KRT8: variants seen among roughly 807,000 people sequenced by gnomAD.
KRT8 encodes the protein keratin, type II cytoskeletal 8.
Under a neutral mutation model 43.0 loss-of-function variants are expected in KRT8, and 24 were observed. The observed-to-expected ratio is 0.56, with a 90% CI of 0.40 to 0.78. The LOEUF (loss-of-function observed/expected upper bound fraction) is 0.78. Ranked by LOEUF, KRT8 falls within the 30% of genes least tolerant of loss-of-function variation. The pLI is 0.00. For missense variants in KRT8, 492 were observed against 638.4 expected, an observed-to-expected ratio of 0.77 and a Z score of 2.47; for synonymous variants, 214 against 261.2, an observed-to-expected ratio of 0.82 and a Z score of 1.74.
intron 4 of KRT8, among the ~76,000 whole-genome samples, 168 bp downstream of exon 4, chr12:52,900,420 T>C (rs1216851911): frequency 2.6e-5 from 4 of 152,156 alleles, no homozygotes; most frequent in African/African-American, 7.2e-5. Context: ...ACAGAACATA[T>C]AGACCCAATA....
At chr12:52,949,778 C>T (rs1025357857) in exon 1 of KRT8, 19 of 716,500 alleles carry the variant, frequency 2.7e-5, no homozygotes, top group Admixed American at 1.6e-4. Flanking sequence ...CATGGGAGGG[C>T]TCTTTCCCAG....
chr12:52,930,043 C>T lies in KRT8; in HGVS notation c.-47+19413G>A, dbSNP rs947427484. ...AAGAAGCCTGGAGTCAGCAAAAGTG[C>T]TGAGGATGGCACTAGAACCTCTCAC... On this transcript the variant is annotated intron_variant, in intron 2 of 6. Transcript: ENST00000546826. 3.9e-5 allele frequency among the ~76,000 whole-genome samples: 6 copies of T among 152,180 alleles called. No individual in the cohort carries two copies. In the South Asian group the frequency reaches 8.3e-4, roughly 21 times the overall value.
intron 2 of KRT8, 104 bp from the exon 3 acceptor site, chr12:52,901,323 C>T (rs1488415861): frequency 4.6e-5 from 39 of 851,226 alleles, no homozygotes; most frequent in Non-Finnish European, 8.0e-5. Flanking sequence ...ATTCAGTTCA[C>T]AGAGATGCAG....
Position 52,898,883 on chromosome 12 carries a change from G to GC in KRT8, c.997dup (p.Ala333GlyfsTer15). The GC allele has an allele frequency of 6.2e-7, 1 of 1,613,572 alleles. No individual in the cohort carries two copies. The highest frequency in any genetic ancestry group is 8.5e-7 in the Non-Finnish European group (1 of 1,180,026). On this transcript the variant is annotated frameshift_variant, in exon 6 of 8. Coordinates refer to ENST00000692008, the Ensembl canonical transcript of KRT8. LOFTEE classifies it high-confidence loss of function. ...ACGCTGCTCGGCATCTGCAATGGCG[G>GC]CCTCCAGGGAAGCCCTCTGTGGGGT...
intron 2 of KRT8, among the ~76,000 whole-genome samples, chr12:52,918,203 A>AAGAAGAAGGAGAAGG (rs1565725692): frequency 8.6e-6 from 1 of 116,046 alleles, no homozygotes; most frequent in African/African-American, 3.7e-5. Flanking sequence ...GAAGAAGAAG[A>AAGAAGAAGGAGAAGG]ACAAGAAGAA....
Position 52,900,585 on chromosome 12 carries a change from T to C in KRT8, c.690+3A>G. The C allele has an allele frequency of 6.3e-7, 1 of 1,597,546 alleles. No homozygotes were observed. Among genetic ancestry groups the C allele is most frequent in the Non-Finnish European group, 8.6e-7 (1 of 1,166,394 alleles). On this transcript the variant is annotated splice_donor_region_variant and intron_variant, in intron 4 of 7. Transcript: ENST00000692008. Reference sequence around the variant, plus strand: ...CCTCACTCTCCTGCGACCAGGAACATACCTCTTCATATAGCTGCCTGAGGA... The same window carrying C: ...CCTCACTCTCCTGCGACCAGGAACACACCTCTTCATATAGCTGCCTGAGGA...
At chr12:52,928,398 C>T (rs1472290416) in intron 2 of KRT8, among the ~76,000 whole-genome samples, 2 of 152,142 alleles carry the variant, frequency 1.3e-5, no homozygotes, top group African/African-American at 4.8e-5. Context: ...CCATTCCCAC[C>T]CTTACCTCCC....
At chr12:52,906,926 T>C, upstream of KRT8, 1 of 364,070 alleles carries the variant, frequency 2.7e-6, no homozygotes, top group South Asian at 2.0e-5. Context: ...GCCCCCTCCT[T>C]GGAGGACAGA....
chr12:52,943,988 T>C (rs1802572646), intron 2 of KRT8, among the ~76,000 whole-genome samples: 1 of 151,946 alleles, frequency 6.6e-6, no homozygotes, highest in South Asian at 2.1e-4. Flanking sequence ...AAAATAGTGG[T>C]GAGCAGGGAG....
At chr12:52,943,409 C>T (rs1942296769) in intron 2 of KRT8, among the ~76,000 whole-genome samples, 1 of 152,206 alleles carries the variant, frequency 6.6e-6, no homozygotes, top group Non-Finnish European at 1.5e-5. Context: ...TTCATGACGT[C>T]CTCTCTCCTG....
In KRT8 at chr12:52,899,851, C is replaced by T. The variant is rs201875017; in HGVS notation, c.905G>A (p.Arg302His). 167 of 1,612,082 alleles carry T rather than the reference C, an allele frequency of 1.0e-4. No homozygotes were observed. Among genetic ancestry groups the T allele is most frequent in the Non-Finnish European group, 1.2e-4 (146 of 1,179,946 alleles). ...CATCTCAGAGATCTCAGTCTTTGTGCGCCGCAGGTCATCCCCGTGCTTCCC... is the reference window on the plus strand; with the variant it reads ...CATCTCAGAGATCTCAGTCTTTGTGTGCCGCAGGTCATCCCCGTGCTTCCC... Residue 302 changes from arginine to histidine, a missense_variant, in exon 5 of 8, where the codon CGC becomes CAC. Coordinates refer to ENST00000692008, the Ensembl canonical transcript of KRT8.
At chr12:52,936,293 T>C (rs1333625402) in intron 2 of KRT8, among the ~76,000 whole-genome samples, 3 of 151,994 alleles carry the variant, frequency 2.0e-5, no homozygotes, top group Non-Finnish European at 2.9e-5. Context: ...CAGAAAATCT[T>C]TGTGACCTTG....
intron 2 of KRT8, chr12:52,948,888 C>A: frequency 2.3e-6 from 1 of 426,260 alleles, no homozygotes; most frequent in East Asian, 3.6e-5. Flanking sequence ...CGAGGGCCAA[C>A]AACACCTGCT....
chr12:52,899,660 T>C lies in KRT8; in HGVS notation c.981+115A>G, dbSNP rs1050190164. On this transcript the variant is annotated intron_variant, in intron 5 of 7. Coordinates refer to ENST00000692008, the Ensembl canonical transcript of KRT8. ...GAACTGTGGCTGCCCCTCCAACTCCTGAACCCTGGTCTAGGATTCCTTCCC... is the reference window on the plus strand; with the variant it reads ...GAACTGTGGCTGCCCCTCCAACTCCCGAACCCTGGTCTAGGATTCCTTCCC... The C allele has an allele frequency of 4.3e-6, 4 of 932,122 alleles. No homozygotes were observed. The African/African-American group carries it at 4.9e-5, about 11-fold the overall frequency. 57.7% of individuals were successfully genotyped at this position (932,122 alleles called of 1,614,324 possible). A position where few individuals can be genotyped will look rare whatever the true frequency, so the allele number is the denominator to read the frequency against.
At chr12:52,914,982 G>T (rs1941706617) in intron 2 of KRT8, among the ~76,000 whole-genome samples, 1 of 152,126 alleles carries the variant, frequency 6.6e-6, no homozygotes. Context: ...CTGTGGCCAG[G>T]GGAATAGAAT....
chr12:52,918,168 AGAAGAG>A (rs1385203237), intron 2 of KRT8, among the ~76,000 whole-genome samples: 2 of 105,186 alleles, frequency 1.9e-5, no homozygotes, highest in East Asian at 2.5e-4. Context: ...AAGAAGAAGA[AGAAGAG>A]GAAGAGGAAG....
intron 2 of KRT8, among the ~76,000 whole-genome samples, chr12:52,926,077 G>A (rs953426670): frequency 2.0e-5 from 3 of 152,048 alleles, no homozygotes; most frequent in African/African-American, 7.3e-5. Context: ...GTGGAAGGGG[G>A]TGACATAATT....
intron 2 of KRT8, among the ~76,000 whole-genome samples, chr12:52,931,047 T>G (rs1343790209): frequency 6.6e-6 from 1 of 151,876 alleles, no homozygotes; most frequent in Non-Finnish European, 1.5e-5. Flanking sequence ...TCCCCACTTT[T>G]AGCTTCAGTG....
At chr12:52,927,425 C>T (rs1347250926) in intron 2 of KRT8, among the ~76,000 whole-genome samples, 34 of 152,206 alleles carry the variant, frequency 2.2e-4, no homozygotes, top group Admixed American at 2.2e-3. Context: ...CTGCCTGTCC[C>T]TAGGGAGACA....
Sources: allele counts gnomAD v4.1 joint callset (sites outside exome capture counted in the v4.1 genomes callset), GRCh38; gene constraint gnomAD v4.1.1; transcripts MANE v1.5; gene names NCBI Gene and HGNC (gene_info 2026-07-23, HGNC 2026-07-21).